The following SMAD4 variants were observed in gnomAD, a reference collection of about 807,000 sequenced individuals.
SMAD4 encodes the protein MAD homolog 4.
Under a neutral mutation model 63.2 loss-of-function variants are expected in SMAD4, and 7 were observed. The observed-to-expected ratio is 0.11, with a 90% CI of 0.06 to 0.21. The LOEUF (loss-of-function observed/expected upper bound fraction) is 0.21. Among genes scored for constraint, SMAD4 ranks in the 10% least tolerant of loss-of-function variants. SMAD4 has a pLI of 1.00. For synonymous variants in SMAD4, 215 were observed against 235.4 expected (o/e 0.91, Z 0.79); for missense variants, 312 against 693.8 (o/e 0.45, Z 6.18).
chr18:51,042,113 C>A lies in SMAD4; in HGVS notation c.-127-4807C>A, dbSNP rs139316858. 6.9e-3 allele frequency among the ~76,000 whole-genome samples: 1,047 copies of A among 152,196 alleles called. 10 individuals are homozygous for A. Among genetic ancestry groups the A allele is most frequent in the African/African-American group, 0.024 (989 of 41,500 alleles). On this transcript the variant is annotated intron_variant, in intron 1 of 11. Coordinates refer to ENST00000342988, the MANE Select transcript of SMAD4 (RefSeq NM_005359.6). ...TTTGGTGGATTGGTGGCCAGGGATG[C>A]CATCCTGCAATGTGAGAGACAGCGA...
rs1910633985 is a variant in SMAD4 at position 51,082,502 on chromosome 18, G to A, written c.*4035G>A. 1 of 229,050 alleles carries A rather than the reference G, an allele frequency of 4.4e-6. No homozygotes were observed. Among genetic ancestry groups the A allele is most frequent in the African/African-American group, 2.2e-5 (1 of 45,018 alleles). 14.2% of individuals were successfully genotyped at this position (229,050 alleles called of 1,614,324 possible). ...TATCTTGTTTATCTGGAATCACTGT[G>A]GAGTGAAATTTTCCACATCATCCAG... is the stretch of plus-strand genomic sequence containing the variant. On this transcript the variant is annotated 3_prime_UTR_variant, in exon 12 of 12. Coordinates refer to ENST00000342988, the MANE Select transcript of SMAD4 (RefSeq NM_005359.6).
Position 51,054,847 on chromosome 18 carries a change from C to A in SMAD4, c.521C>A (p.Thr174Asn), listed in dbSNP as rs138800446. The change falls in exon 5 of 12, where the codon ACT becomes AAT. Residue 174 changes from threonine to asparagine, a missense_variant. By Grantham distance (65) the Thr-to-Asn change is moderately conservative (BLOSUM62 0). Transcript: ENST00000342988. ...TTTGAGGGACAGCCATCGTTGTCCACTGAAGGACATTCAATTCAAACCATC... is the reference window on the plus strand; with the variant it reads ...TTTGAGGGACAGCCATCGTTGTCCAATGAAGGACATTCAATTCAAACCATC... ...HDFEGQPSLS[T>N]EGHSIQTIQH... The A allele has an allele frequency of 2.2e-5, 35 of 1,613,832 alleles. No homozygotes were observed. In the African/African-American group the frequency reaches 4.3e-4, roughly 20 times the overall value.
chr18:51,065,565 A>G lies in SMAD4; in HGVS notation c.1098A>G (p.Gln366=), dbSNP rs990054989. ...PSGGDRFCLG[Q]LSNVHRTEAI... ...GAGGAGATCGCTTTTGTTTGGGTCA[A>G]CTCTCCAATGTCCACAGGACAGAAG... is the stretch of plus-strand genomic sequence containing the variant. Residue 366 remains glutamine (Q), a synonymous_variant, in exon 9 of 12, where the codon CAA becomes CAG. Transcript: ENST00000342988. 9 of 1,614,020 alleles carry G rather than the reference A, an allele frequency of 5.6e-6. No individual in the cohort carries two copies. The highest frequency in any genetic ancestry group is 2.7e-5 in the African/African-American group (2 of 74,898).
rs532933484 is a variant in SMAD4, at chr18:51,074,231, A to G, written c.1309-2407A>G. ...CTCTACCAAAAAAAAAAAAAAAAAAATTAGCCAGGCATGGTGGCATGTGCC... is the reference window on the plus strand; with the variant it reads ...CTCTACCAAAAAAAAAAAAAAAAAAGTTAGCCAGGCATGGTGGCATGTGCC... On this transcript the variant is annotated intron_variant, in intron 10 of 11. Transcript: ENST00000342988. Among the ~76,000 whole-genome samples, 874 of 151,332 alleles carry G rather than the reference A, an allele frequency of 5.8e-3. 2 individuals carry two copies. The highest frequency in any genetic ancestry group is 1.0e-2 in the Non-Finnish European group (675 of 67,748).
chr18:51,068,594 A>C (rs1021277098), intron 10 of SMAD4, among the ~76,000 whole-genome samples: 4 of 152,194 alleles, frequency 2.6e-5, no homozygotes, highest in Non-Finnish European at 1.5e-5. Flanking sequence ...TATTGATAGG[A>C]TATCCATGTG....
intron 1 of SMAD4, among the ~76,000 whole-genome samples, chr18:51,043,895 A>G (rs553015719): frequency 6.6e-6 from 1 of 152,366 alleles, no homozygotes; most frequent in Admixed American, 6.5e-5. Context: ...ACAATTCCAC[A>G]GAATAAAAAG....
chr18:51,041,906 G>T (rs1355137369), intron 1 of SMAD4, among the ~76,000 whole-genome samples: 2 of 152,178 alleles, frequency 1.3e-5, no homozygotes, highest in East Asian at 3.9e-4. Context: ...GATACGTTGT[G>T]CCAAGACCTA....
At position 51,051,426 on chromosome 18, in the gene SMAD4, G is replaced by A. The variant is rs1315511682; in HGVS notation, c.454+2102G>A. ...ATGATACAAGAGCAGGTAACTAAAA[G>A]TTAAGAAAATGGGACAGTTCCTTCA... On this transcript the variant is annotated intron_variant, in intron 4 of 11. Transcript: ENST00000342988. 3 of 455,362 alleles carry A rather than the reference G, an allele frequency of 6.6e-6. No homozygotes were observed. The East Asian group carries it at 2.1e-4, about 32-fold the overall frequency. 28.2% of individuals were successfully genotyped at this position (455,362 alleles called of 1,614,324 possible).
rs1000001497 is a variant in SMAD4 at position 51,082,542 on chromosome 18, AG to A, written c.*4076del. On this transcript the variant is annotated 3_prime_UTR_variant, in exon 12 of 12. Coordinates refer to ENST00000342988, the MANE Select transcript of SMAD4 (RefSeq NM_005359.6). ...ACATCATCCAGAATTGCCTTATTTA[AG>A]AAGTAAAACGTTTTAATTTTTAGCC... 74 of 228,386 alleles carry A rather than the reference AG, an allele frequency of 3.2e-4. No homozygotes were observed. Among genetic ancestry groups the A allele is most frequent in the African/African-American group, 1.6e-3 (72 of 45,110 alleles). The allele number at this position is 228,386 out of a possible 1,614,324, so 14.1% of individuals were successfully genotyped here.
At position 51,079,177 on chromosome 18, in the gene SMAD4, C is replaced by G. The variant is rs2144481644; in HGVS notation, c.*710C>G. 4.3e-6 allele frequency: 1 copy of G among 232,870 alleles called. No individual in the cohort carries two copies. Among genetic ancestry groups the G allele is most frequent in the African/African-American group, 2.2e-5 (1 of 45,426 alleles). 14.4% of individuals were successfully genotyped at this position (232,870 alleles called of 1,614,324 possible). ...AAAATTTAAAATTACGTTTGTTATTCCTAGTGGATGACTGTTGATGAAGTA... is the reference window on the plus strand; with the variant it reads ...AAAATTTAAAATTACGTTTGTTATTGCTAGTGGATGACTGTTGATGAAGTA... On this transcript the variant is annotated 3_prime_UTR_variant, in exon 12 of 12. Transcript: ENST00000342988.
rs1599186950 is a variant in SMAD4, at chr18:51,054,902, A to G, written c.576A>G (p.Thr192=). The change falls in exon 5 of 12, where the codon ACA becomes ACG. Residue 192 remains threonine, a synonymous_variant. Coordinates refer to ENST00000342988, the MANE Select transcript of SMAD4 (RefSeq NM_005359.6). ...ATCCACCAAGTAATCGTGCATCGAC[A>G]GAGACATACAGCACCCCAGCTCTGT... ...IQHPPSNRAS[T]ETYSTPALLA... The G allele has an allele frequency of 1.2e-6, 2 of 1,614,162 alleles. No homozygotes were observed. The highest frequency in any genetic ancestry group is 2.2e-5 in the East Asian group (1 of 44,882).
intron 2 of SMAD4, 70 bp downstream of exon 2, chr18:51,047,365 A>G (rs1909575773): frequency 1.5e-6 from 2 of 1,366,988 alleles, no homozygotes; most frequent in Non-Finnish European, 2.1e-6. Flanking sequence ...GTTTCCTTTC[A>G]AGCTACTACA....
intron 7 of SMAD4, among the ~76,000 whole-genome samples, chr18:51,058,908 A>G (rs975975879): frequency 6.6e-6 from 1 of 152,208 alleles, no homozygotes; most frequent in African/African-American, 2.4e-5. Flanking sequence ...TACAGATAAC[A>G]TGTAGTTTCA....
At position 51,078,258 on chromosome 18, in the gene SMAD4, C is replaced by G. The variant is rs2144477953; in HGVS notation, c.1450C>G (p.Leu484Val). 1.2e-6 allele frequency: 2 copies of G among 1,613,888 alleles called. No individual in the cohort carries two copies. The highest frequency in any genetic ancestry group is 2.2e-5 in the East Asian group (1 of 44,886). Residue 484 changes from leucine to valine, a missense_variant and splice_region_variant, in exon 12 of 12, where the codon CTG (leucine) becomes GTG (valine). Transcript: ENST00000342988. The part of the protein sequence containing the change: ...SVGGIAPAIS[L>V]SAAAGIGVDD... ...GTCTTCCAAATCTTTTCTGTTAGGT[C>G]TGTCAGCTGCTGCTGGAATTGGTGT...
chr18:51,067,392 G>GT (rs1375464215), intron 10 of SMAD4, among the ~76,000 whole-genome samples: 1 of 151,680 alleles, frequency 6.6e-6, no homozygotes, highest in Non-Finnish European at 1.5e-5. Context: ...GTTACATTTT[G>GT]TTTTTTATTT....
intron 5 of SMAD4, among the ~76,000 whole-genome samples, chr18:51,057,532 T>C (rs962440022): frequency 6.6e-6 from 1 of 152,220 alleles, no homozygotes; most frequent in African/African-American, 2.4e-5. Flanking sequence ...AGTAGACTGA[T>C]AGTTTTTTTG....
intron 11 of SMAD4, among the ~76,000 whole-genome samples, chr18:51,077,726 A>C (rs1384059713): frequency 6.6e-6 from 1 of 152,170 alleles, no homozygotes; most frequent in African/African-American, 2.4e-5. Flanking sequence ...AACTATTATT[A>C]AGTTTCATAT....
intron 4 of SMAD4, among the ~76,000 whole-genome samples, chr18:51,050,558 C>G (rs2144410027): frequency 6.6e-6 from 1 of 151,200 alleles, no homozygotes; most frequent in East Asian, 1.9e-4. Context: ...ACTTGGGAAG[C>G]TGAGGCAGGA....
rs149148317 is a variant in SMAD4 at position 51,069,304 on chromosome 18, G to A, written c.1308+2117G>A. Among the ~76,000 whole-genome samples the A allele has an allele frequency of 2.0e-3, 297 of 152,048 alleles. 4 individuals carry two copies. Among genetic ancestry groups the A allele is most frequent in the African/African-American group, 7.0e-3 (291 of 41,466 alleles). On this transcript the variant is annotated intron_variant, in intron 10 of 11. Coordinates refer to ENST00000342988, the MANE Select transcript of SMAD4 (RefSeq NM_005359.6). ...GCTAATTTTTGTATTTAGTAGAGAC[G>A]GGGTTTCACCGTGTTGGCCAGGCTG...
Sources: allele counts gnomAD v4.1 joint callset (sites outside exome capture counted in the v4.1 genomes callset), GRCh38; gene constraint gnomAD v4.1.1; transcripts MANE v1.5; gene names NCBI Gene and HGNC (gene_info 2026-07-23, HGNC 2026-07-21).